PCDHGA9: variants seen among roughly 807,000 people sequenced by gnomAD.
PCDHGA9 encodes protocadherin gamma subfamily A, 9.
Under a neutral mutation model 62.5 loss-of-function variants are expected in PCDHGA9, and 37 were observed. That is an observed-to-expected ratio of 0.59 (90% CI 0.46 to 0.78). PCDHGA9 has a LOEUF of 0.78. PCDHGA9 is among the 30% of genes least tolerant of loss of function. The pLI, the probability that PCDHGA9 is intolerant of heterozygous loss-of-function variation, is 0.00. For synonymous variants in PCDHGA9, 459 were observed against 484.6 expected (o/e 0.95, Z 0.69); for missense variants, 1,138 against 1,166.2 (o/e 0.98, Z 0.35).
At chr5:141,454,019 A>G (rs905033407) in intron 1 of PCDHGA9, among the ~76,000 whole-genome samples, 1 of 152,262 alleles carries the variant, frequency 6.6e-6, no homozygotes, top group African/African-American at 2.4e-5. Flanking sequence ...AGAAAAATGT[A>G]TTAAGAATTG....
At chr5:141,503,502 G>A (rs750139098) in intron 2 of PCDHGA9, among the ~76,000 whole-genome samples, 5 of 151,828 alleles carry the variant, frequency 3.3e-5, no homozygotes, top group Admixed American at 2.0e-4. Context: ...AAGAGGCTGA[G>A]GCAGGAGAAT....
At chr5:141,479,855 C>T (rs1330076788) in intron 1 of PCDHGA9, among the ~76,000 whole-genome samples, 2 of 152,128 alleles carry the variant, frequency 1.3e-5, no homozygotes, top group Non-Finnish European at 2.9e-5. Context: ...ACTGCAAGGC[C>T]TTTGCCCTGG....
intron 2 of PCDHGA9, among the ~76,000 whole-genome samples, chr5:141,504,359 A>C (rs988295720): frequency 2.6e-5 from 4 of 152,044 alleles, no homozygotes; most frequent in African/African-American, 9.7e-5. Flanking sequence ...TAGGTGCTTC[A>C]GTAGGAAGCA....
At chr5:141,406,474 T>TA (rs1309995681) in intron 1 of PCDHGA9, among the ~76,000 whole-genome samples, 1 of 152,248 alleles carries the variant, frequency 6.6e-6, no homozygotes, top group Non-Finnish European at 1.5e-5. Flanking sequence ...TCTTTGAGGT[T>TA]ATATTTTTCA....
chr5:141,444,494 A>G (rs892854259), intron 1 of PCDHGA9, among the ~76,000 whole-genome samples: 1 of 152,010 alleles, frequency 6.6e-6, no homozygotes, highest in Admixed American at 6.6e-5. Flanking sequence ...ATATTGTGTA[A>G]TACTTTGCTC....
At chr5:141,447,636 T>C (rs772671166) in intron 1 of PCDHGA9, among the ~76,000 whole-genome samples, 49 of 152,136 alleles carry the variant, frequency 3.2e-4, no homozygotes, top group Non-Finnish European at 5.3e-4. Context: ...ACAGTATGAA[T>C]GATGGTAGAA....
chr5:141,487,377 C>T lies in PCDHGA9; in HGVS notation c.2425-7430C>T, dbSNP rs758216933. Reference sequence around the variant, plus strand: ...CCTGCTGGCACCTGTGCCTGTCTCACCAGATCTCGAAGGAGGGAGGGGCTT... The same window carrying T: ...CCTGCTGGCACCTGTGCCTGTCTCATCAGATCTCGAAGGAGGGAGGGGCTT... On this transcript the variant is annotated intron_variant, in intron 1 of 3. Transcript: ENST00000573521. The surrounding 1 kb of genome is among the most constrained non-coding windows in gnomAD (Gnocchi z 5.0). 6.2e-7 allele frequency: 1 copy of T among 1,614,190 alleles called. No homozygotes were observed. Among genetic ancestry groups the T allele is most frequent in the Non-Finnish European group, 8.5e-7 (1 of 1,180,034 alleles).
chr5:141,482,032 C>T (rs1370023352), intron 1 of PCDHGA9, among the ~76,000 whole-genome samples: 1 of 151,018 alleles, frequency 6.6e-6, no homozygotes, highest in African/African-American at 2.4e-5. Flanking sequence ...TTGCAGTGAG[C>T]CAAGATCATG....
rs771124496 is a variant in PCDHGA9, at chr5:141,489,457, C to T, written c.2425-5350C>T. The T allele has an allele frequency of 1.2e-5, 19 of 1,613,882 alleles. No homozygotes were observed. The highest frequency in any genetic ancestry group is 6.7e-5 in the African/African-American group (5 of 74,896). Reference sequence around the variant, plus strand: ...GCAATTGGGCTCTGAGGAGAATGGGCGCTATTTTTCCCTGAGCTTGATGAG... The same window carrying T: ...GCAATTGGGCTCTGAGGAGAATGGGTGCTATTTTTCCCTGAGCTTGATGAG... On this transcript the variant is annotated intron_variant, in intron 1 of 3. Coordinates refer to ENST00000573521, the MANE Select transcript of PCDHGA9 (RefSeq NM_018921.3). The surrounding 1 kb of genome is among the most constrained non-coding windows in gnomAD (Gnocchi z 4.5).
At chr5:141,415,014 C>G (rs747951360) in intron 1 of PCDHGA9, 1 of 1,613,502 alleles carries the variant, frequency 6.2e-7, no homozygotes, top group African/African-American at 1.3e-5. Flanking sequence ...ACCGTCTGCT[C>G]AAGGCCAGCG....
chr5:141,477,878 C>T lies in PCDHGA9; in HGVS notation c.2425-16929C>T. On this transcript the variant is annotated intron_variant, in intron 1 of 3. Coordinates refer to ENST00000573521, the MANE Select transcript of PCDHGA9 (RefSeq NM_018921.3). The surrounding 1 kb of genome is among the most constrained non-coding windows in gnomAD (Gnocchi z 4.9). ...GCTGCCTCGAGGTACCTCAGCTGGC[C>T]ACCTAGTGTCACGGGTGGTAGGCTG... 2.5e-6 allele frequency: 4 copies of T among 1,614,158 alleles called. No individual in the cohort carries two copies. Among genetic ancestry groups the T allele is most frequent in the Non-Finnish European group, 3.4e-6 (4 of 1,180,008 alleles).
At chr5:141,464,327 C>G (rs893319708) in intron 1 of PCDHGA9, among the ~76,000 whole-genome samples, 15 of 150,890 alleles carry the variant, frequency 9.9e-5, no homozygotes, top group African/African-American at 3.7e-4. Flanking sequence ...TCTGTTCAAC[C>G]CATCTATGAC....
At position 141,432,001 on chromosome 5, in the gene PCDHGA9, G is replaced by T. The variant is rs755338230; in HGVS notation, c.2424+26625G>T. On this transcript the variant is annotated intron_variant, in intron 1 of 3. Coordinates refer to ENST00000573521, the MANE Select transcript of PCDHGA9 (RefSeq NM_018921.3). This position sits in a 1 kb window ranked among gnomAD's most constrained non-coding sequence, Gnocchi z 6.0. Reference sequence around the variant, plus strand: ...CAGACATAGTCTTGGATAGGGAACAGGTTCCTAGCTACAACATCACAGTGA... The same window carrying T: ...CAGACATAGTCTTGGATAGGGAACATGTTCCTAGCTACAACATCACAGTGA... 4 of 1,614,220 alleles carry T rather than the reference G, an allele frequency of 2.5e-6. No homozygotes were observed. In the East Asian group the frequency reaches 8.9e-5, roughly 36 times the overall value.
At chr5:141,501,883 G>A (rs1204174131) in intron 2 of PCDHGA9, among the ~76,000 whole-genome samples, 1 of 152,022 alleles carries the variant, frequency 6.6e-6, no homozygotes, top group African/African-American at 2.4e-5. Flanking sequence ...TTACACTCCT[G>A]ATCATCATGG....
chr5:141,438,065 C>T (rs1385128405), intron 1 of PCDHGA9, among the ~76,000 whole-genome samples: 1 of 151,996 alleles, frequency 6.6e-6, no homozygotes, highest in Non-Finnish European at 1.5e-5. Flanking sequence ...TTTAAGAAAC[C>T]ATACTTAATG....
chr5:141,502,027 C>T (rs547850211), intron 2 of PCDHGA9, among the ~76,000 whole-genome samples: 6 of 152,274 alleles, frequency 3.9e-5, no homozygotes, highest in African/African-American at 9.6e-5. Flanking sequence ...CTGCAACCCC[C>T]GCCGCTTGCC....
chr5:141,433,742 C>G (rs927651405), intron 1 of PCDHGA9, among the ~76,000 whole-genome samples: 1 of 150,826 alleles, frequency 6.6e-6, no homozygotes, highest in Non-Finnish European at 1.5e-5. Flanking sequence ...GAGGCTGAGT[C>G]AGGAGAATTG....
Position 141,432,038 on chromosome 5 carries a change from C to A in PCDHGA9, c.2424+26662C>A. On this transcript the variant is annotated intron_variant, in intron 1 of 3. Transcript: ENST00000573521. The surrounding 1 kb of genome is among the most constrained non-coding windows in gnomAD (Gnocchi z 6.0). ...CAACATCACAGTGACCGCCACTGAC[C>A]GGGGAACCCCGCCCCTATCCACGGA... 1 of 1,614,190 alleles carries A rather than the reference C, an allele frequency of 6.2e-7. No homozygotes were observed. The highest frequency in any genetic ancestry group is 1.1e-5 in the South Asian group (1 of 91,072).
chr5:141,419,455 G>A lies in PCDHGA9; in HGVS notation c.2424+14079G>A, dbSNP rs770156844. 8.1e-6 allele frequency: 13 copies of A among 1,612,598 alleles called. No homozygotes were observed. The African/African-American group carries it at 1.7e-4, about 22-fold the overall frequency. ...AGCTGCGCACCTTCGAGCTCACGCT[G>A]CAGGCCCGCGACCAGGGCTCGCCCG... is the stretch of plus-strand genomic sequence containing the variant. On this transcript the variant is annotated intron_variant, in intron 1 of 3. Coordinates refer to ENST00000573521, the MANE Select transcript of PCDHGA9 (RefSeq NM_018921.3).
Sources: gnomAD v4.1 joint callset for allele counts (sites outside exome capture counted in the v4.1 genomes callset) on GRCh38, gnomAD v4.1.1 for gene constraint, Gnocchi (gnomAD v3.1) non-coding constraint, MANE v1.5 for transcripts, NCBI Gene and HGNC (gene_info 2026-07-23, HGNC 2026-07-21) for gene names.